The following SRGN variants were observed in gnomAD, a reference collection of about 807,000 sequenced individuals.
The protein encoded by SRGN is serglycin, also known as hematopoetic proteoglycan core peptide.
Under a neutral mutation model 9.5 loss-of-function variants are expected in SRGN, and 2 were observed. The observed-to-expected ratio is 0.21, with a 90% CI of 0.09 to 0.66. The LOEUF is 0.66. Among genes scored for constraint, SRGN ranks in the 30% least tolerant of loss-of-function variants. The probability of loss-of-function intolerance (pLI) is 0.83; values close to 1 mark genes in which losing one functional copy is unlikely to be tolerated. For missense variants in SRGN, 170 were observed against 192.4 expected, an observed-to-expected ratio of 0.88 and a Z score of 0.69; for synonymous variants, 59 against 72.3, an observed-to-expected ratio of 0.82 and a Z score of 0.93.
intron 1 of SRGN, among the ~76,000 whole-genome samples, chr10:69,094,175 G>A (rs1840127013): frequency 6.6e-6 from 1 of 152,128 alleles, no homozygotes; most frequent in South Asian, 2.1e-4. Context: ...GCCAGTAAGG[G>A]GCAGACATTG....
chr10:69,103,801 A>G, intron 2 of SRGN, 70 bp from the exon 3 acceptor site: 4 of 1,516,422 alleles, frequency 2.6e-6, no homozygotes, highest in South Asian at 1.2e-5. Context: ...TATTAAAAAA[A>G]CTATTATAAT....
chr10:69,096,553 T>C (rs970248162), intron 1 of SRGN, among the ~76,000 whole-genome samples: 1 of 152,198 alleles, frequency 6.6e-6, no homozygotes, highest in East Asian at 1.9e-4. Flanking sequence ...CTGCTACTTT[T>C]TGGAGTGTTG....
intron 1 of SRGN, among the ~76,000 whole-genome samples, chr10:69,089,927 GGAAA>G (rs949398435): frequency 1.3e-5 from 2 of 151,104 alleles, no homozygotes; most frequent in Admixed American, 6.6e-5. Context: ...GAGAAAGAAA[GGAAA>G]GAAAGAAAGA....
chr10:69,088,026 A>G, upstream of SRGN: 2 of 690,504 alleles, frequency 2.9e-6, no homozygotes, highest in Non-Finnish European at 5.1e-6. Flanking sequence ...CTATTTGTTC[A>G]GGAAATTGTG....
In SRGN at chr10:69,089,217, G is replaced by A. The variant is rs557768474; in HGVS notation, c.79+981G>A. Among the ~76,000 whole-genome samples the A allele has an allele frequency of 2.8e-4, 42 of 152,284 alleles. 1 individual carries two copies. The South Asian group carries it at 8.7e-3, about 32-fold the overall frequency. On this transcript the variant is annotated intron_variant, in intron 1 of 2. Transcript: ENST00000242465. ...TCGCAGAGACATTCATTTTATGTTG[G>A]AAATTTATAAAATCATTTTCTTCTA...
chr10:69,090,099 G>A (rs533715765), intron 1 of SRGN, among the ~76,000 whole-genome samples: 8 of 152,180 alleles, frequency 5.3e-5, no homozygotes, highest in African/African-American at 1.7e-4. Flanking sequence ...TCTCAGTATC[G>A]GGCTCAAGGG....
intron 1 of SRGN, 93 bp from the exon 2 acceptor site, chr10:69,096,991 C>A: frequency 7.3e-7 from 1 of 1,371,806 alleles, no homozygotes; most frequent in Admixed American, 2.6e-5. Context: ...GAGACCCTGT[C>A]TCGAAAAAAA....
At chr10:69,088,002 A>G, upstream of SRGN, 2 of 556,338 alleles carry the variant, frequency 3.6e-6, no homozygotes, top group Non-Finnish European at 6.5e-6. Context: ...CTGGGTTTTG[A>G]TGTGGATGTC....
chr10:69,096,360 T>A (rs566828851), intron 1 of SRGN, among the ~76,000 whole-genome samples: 1 of 152,352 alleles, frequency 6.6e-6, no homozygotes, highest in East Asian at 1.9e-4. Context: ...GCTTACTGTG[T>A]GCCTGGCACT....
chr10:69,087,983 C>A, upstream of SRGN: 1 of 616,978 alleles, frequency 1.6e-6, no homozygotes, highest in Non-Finnish European at 2.9e-6. Flanking sequence ...CCCCCCACCC[C>A]CTTTCTTTCT....
At chr10:69,102,639 G>A (rs1192264853) in intron 2 of SRGN, among the ~76,000 whole-genome samples, 5 of 152,158 alleles carry the variant, frequency 3.3e-5, no homozygotes, top group Admixed American at 3.3e-4. Flanking sequence ...ACCGAGGGCT[G>A]TCGTCATTGC....
intron 2 of SRGN, among the ~76,000 whole-genome samples, chr10:69,101,603 GCTCCTCTTCAC>G (rs1437915645): frequency 6.6e-6 from 1 of 152,020 alleles, no homozygotes; most frequent in African/African-American, 2.4e-5. Flanking sequence ...GCCCTTCTCT[GCTCCTCTTCAC>G]AATAACACCT....
chr10:69,096,705 G>A (rs1378384506), intron 1 of SRGN, among the ~76,000 whole-genome samples: 2 of 152,190 alleles, frequency 1.3e-5, no homozygotes, highest in Non-Finnish European at 2.9e-5. Context: ...GTGGGGTGCA[G>A]TTGCTCATTC....
intron 1 of SRGN, among the ~76,000 whole-genome samples, chr10:69,095,369 C>T (rs1000615053): frequency 4.0e-5 from 6 of 151,524 alleles, no homozygotes; most frequent in Non-Finnish European, 8.8e-5. Context: ...GAGTTGATGC[C>T]TTGTAATTTA....
chr10:69,088,144 A>T lies in SRGN; in HGVS notation c.-14A>T, dbSNP rs1839975115. On this transcript the variant is annotated 5_prime_UTR_variant, in exon 1 of 3. Coordinates refer to ENST00000242465, the MANE Select transcript of SRGN (RefSeq NM_002727.4). ...AAGTTGGCGTGCAGCTGGGAGAGCT[A>T]GACTAAGTTGGTCATGATGCAGAAG... 6.2e-7 allele frequency: 1 copy of T among 1,612,934 alleles called. No homozygotes were observed. The highest frequency in any genetic ancestry group is 1.3e-5 in the African/African-American group (1 of 74,898).
In SRGN at chr10:69,103,940, CT is replaced by C; in HGVS notation, c.298del (p.Ser100ProfsTer14). On this transcript the variant is annotated frameshift_variant, in exon 3 of 3. Transcript: ENST00000242465. LOFTEE classifies it low-confidence loss of function (END_TRUNC). Reference protein sequence around the residue: ...SEDYSGSGFGSGSGSGSGSGS... With the variant: ...SEDYSGSGFGXGSGSGSGSGS... ...AGGACTACTCTGGATCAGGCTTCGGCTCCGGCTCCGGCTCTGGATCAGGATC... is the reference window on the plus strand; with the variant it reads ...AGGACTACTCTGGATCAGGCTTCGGCCCGGCTCCGGCTCTGGATCAGGATC... 6.2e-7 allele frequency: 1 copy of C among 1,614,128 alleles called. No individual in the cohort carries two copies. Among genetic ancestry groups the C allele is most frequent in the Non-Finnish European group, 8.5e-7 (1 of 1,180,024 alleles).
In SRGN at chr10:69,101,903, G is replaced by A. The variant is rs532811802; in HGVS notation, c.228-1968G>A. Reference sequence around the variant, plus strand: ...CTATCTACAAAAAATAGAAAAATTAGCCGGGCGTTGTGACTCATGCTTGTG... The same window carrying A: ...CTATCTACAAAAAATAGAAAAATTAACCGGGCGTTGTGACTCATGCTTGTG... On this transcript the variant is annotated intron_variant, in intron 2 of 2. Transcript: ENST00000242465. Among the ~76,000 whole-genome samples the A allele has an allele frequency of 3.9e-5, 6 of 152,222 alleles. No individual in the cohort carries two copies. The East Asian group carries it at 9.6e-4, about 24-fold the overall frequency.
At chr10:69,094,311 T>C (rs181850863) in intron 1 of SRGN, among the ~76,000 whole-genome samples, 1 of 152,324 alleles carries the variant, frequency 6.6e-6, no homozygotes, top group Admixed American at 6.5e-5. Flanking sequence ...AAGATTATGA[T>C]AGAATAATAT....
intron 2 of SRGN, among the ~76,000 whole-genome samples, chr10:69,097,601 G>A (rs1286154332): frequency 1.3e-5 from 2 of 151,936 alleles, no homozygotes; most frequent in African/African-American, 4.8e-5. Flanking sequence ...TAATTTTTTT[G>A]TATTTTTAGT....
Sources: allele counts gnomAD v4.1 joint callset (sites outside exome capture counted in the v4.1 genomes callset), GRCh38; gene constraint gnomAD v4.1.1; transcripts MANE v1.5; gene names NCBI Gene and HGNC (gene_info 2026-07-23, HGNC 2026-07-21).